The following DNAH7 variants were observed in gnomAD, a reference collection of about 807,000 sequenced individuals.
DNAH7 encodes the protein axonemal beta dynein heavy chain 7.
DNAH7 carries 397 observed loss-of-function variants against 444.6 expected under a neutral mutation model. The ratio of observed to expected loss-of-function variants is 0.89; its 90% CI spans 0.82 to 0.97. DNAH7 has a LOEUF of 0.97. Among genes scored for constraint, DNAH7 ranks in the 50% least tolerant of loss-of-function variants. DNAH7 has a pLI of 0.00. For missense variants in DNAH7, 4,902 were observed against 4,800.8 expected, an observed-to-expected ratio of 1.02 and a Z score of -0.62; for synonymous variants, 1,636 against 1,624.4, an observed-to-expected ratio of 1.01 and a Z score of -0.17.
rs1695647288 is a variant in DNAH7 at position 195,786,814 on chromosome 2, C to T, written c.10878+196G>A. Reference sequence around the variant, plus strand: ...ATATCATGGGTTTCTAATAGACAAACTGATGTCCTAACTACCTAGTATAGC... The same window carrying T: ...ATATCATGGGTTTCTAATAGACAAATTGATGTCCTAACTACCTAGTATAGC... On this transcript the variant is annotated intron_variant, in intron 58 of 64. Transcript: ENST00000312428. 2.0e-5 allele frequency among the ~76,000 whole-genome samples: 3 copies of T among 152,128 alleles called. No homozygotes were observed. In the South Asian group the frequency reaches 6.2e-4, roughly 32 times the overall value.
At chr2:196,019,952 TCCC>T (rs1695270932) in intron 8 of DNAH7, among the ~76,000 whole-genome samples, 1 of 114,254 alleles carries the variant, frequency 8.8e-6, no homozygotes, top group African/African-American at 3.4e-5. Flanking sequence ...CCCCTCCTCC[TCCC>T]CCTTCTTCTT....
At chr2:196,005,240 T>C (rs1694294670) in intron 10 of DNAH7, among the ~76,000 whole-genome samples, 1 of 151,230 alleles carries the variant, frequency 6.6e-6, no homozygotes, top group African/African-American at 2.4e-5. Context: ...CACCACTGCA[T>C]TCCAGCCTGG....
chr2:195,926,416 A>G lies in DNAH7; in HGVS notation c.3612+10T>C. 1 of 1,504,170 alleles carries G rather than the reference A, an allele frequency of 6.6e-7. No homozygotes were observed. The highest frequency in any genetic ancestry group is 8.8e-7 in the Non-Finnish European group (1 of 1,130,352). 93.2% of individuals were successfully genotyped at this position (1,504,170 alleles called of 1,614,324 possible). A position where few individuals can be genotyped will look rare whatever the true frequency, so the allele number is the denominator to read the frequency against. ...TGCTTAAAAAAACCCGAGGGTTAAT[A>G]AAACCTTACCTTTATCCCCATTGGA... On this transcript the variant is annotated intron_variant, in intron 22 of 64. Transcript: ENST00000312428.
intron 19 of DNAH7, among the ~76,000 whole-genome samples, 190 bp from the exon 20 acceptor site, chr2:195,936,982 C>A (rs1689097551): frequency 6.6e-6 from 1 of 152,004 alleles, no homozygotes; most frequent in Admixed American, 6.6e-5. Context: ...CTGTAAAAGT[C>A]ACATTGATTT....
Position 195,957,320 on chromosome 2 carries a change from C to G in DNAH7, c.3019G>C (p.Gly1007Arg). ...TTATCCACAGCTGTAAATCGTCTGC[C>G]TTCCTCAGGCATTTGAGACATAATG... is the stretch of plus-strand genomic sequence containing the variant. ...PDIMSQMPEE[G>R]RRFTAVDKTW... The change falls in exon 19 of 65, where the codon GGC becomes CGC. Residue 1007 changes from glycine to arginine, a missense_variant. Transcript: ENST00000312428. The G allele has an allele frequency of 6.2e-7, 1 of 1,605,816 alleles. No homozygotes were observed. Among genetic ancestry groups the G allele is most frequent in the Non-Finnish European group, 8.5e-7 (1 of 1,174,338 alleles).
At chr2:195,934,499 G>C (rs1485064215) in intron 21 of DNAH7, 92 bp downstream of exon 21, 4 of 1,351,286 alleles carry the variant, frequency 3.0e-6, no homozygotes, top group Non-Finnish European at 4.1e-6. Flanking sequence ...CTCCATTTCT[G>C]TTTAAATAAC....
chr2:195,852,118 C>T (rs1005627661), intron 46 of DNAH7, among the ~76,000 whole-genome samples: 28 of 151,854 alleles, frequency 1.8e-4, no homozygotes, highest in African/African-American at 6.0e-4. Flanking sequence ...ATTAGCCAGG[C>T]GTGGTGGCGG....
intron 19 of DNAH7, among the ~76,000 whole-genome samples, chr2:195,937,217 T>C (rs548553684): frequency 1.4e-4 from 22 of 152,310 alleles, no homozygotes; most frequent in South Asian, 6.2e-4. Flanking sequence ...AATAATAACA[T>C]AACAGAATCC....
chr2:195,876,450 C>G, intron 37 of DNAH7, 94 bp downstream of exon 37: 4 of 1,280,778 alleles, frequency 3.1e-6, no homozygotes, highest in Admixed American at 2.4e-5. Flanking sequence ...AAAAACTATA[C>G]AAAAAGATGT....
chr2:195,966,830 G>C (rs1238447190), intron 17 of DNAH7, among the ~76,000 whole-genome samples: 1 of 152,004 alleles, frequency 6.6e-6, no homozygotes, highest in Non-Finnish European at 1.5e-5. Context: ...CAGTCTATGT[G>C]TGACTTTATA....
intron 15 of DNAH7, among the ~76,000 whole-genome samples, chr2:195,979,618 T>A (rs1437186055): frequency 6.6e-6 from 1 of 151,208 alleles, no homozygotes; most frequent in African/African-American, 2.4e-5. Context: ...ATAATAAACA[T>A]CAGAGCAGAA....
At chr2:196,064,597 A>G (rs978184119) in intron 1 of DNAH7, among the ~76,000 whole-genome samples, 28 of 152,152 alleles carry the variant, frequency 1.8e-4, no homozygotes, top group Non-Finnish European at 4.4e-5. Flanking sequence ...TATCATTCCT[A>G]TGCAAATTTT....
At chr2:195,979,365 T>C (rs1233399422) in intron 15 of DNAH7, among the ~76,000 whole-genome samples, 2 of 152,156 alleles carry the variant, frequency 1.3e-5, no homozygotes, top group East Asian at 3.8e-4. Flanking sequence ...AATATGCTCC[T>C]GAATGATCAG....
chr2:195,852,945 GAGAC>G (rs58010202), intron 46 of DNAH7, among the ~76,000 whole-genome samples: 1,493 of 147,544 alleles, frequency 0.01, 22 homozygotes, highest in African/African-American at 0.035. Flanking sequence ...GAGAGAGAGA[GAGAC>G]AGAGTTCTGA....
At chr2:196,065,894 C>T (rs1698403769) in intron 1 of DNAH7, among the ~76,000 whole-genome samples, 1 of 152,222 alleles carries the variant, frequency 6.6e-6, no homozygotes, top group Non-Finnish European at 1.5e-5. Flanking sequence ...AGGAAAACTA[C>T]ACTCTAAATT....
intron 22 of DNAH7, among the ~76,000 whole-genome samples, chr2:195,925,004 T>C (rs1300613149): frequency 3.3e-5 from 5 of 152,200 alleles, no homozygotes; most frequent in African/African-American, 4.8e-5. Context: ...TTACAGCCAT[T>C]GCTAAGTGGC....
At chr2:195,938,291 A>C (rs1689186789) in intron 19 of DNAH7, among the ~76,000 whole-genome samples, 1 of 151,826 alleles carries the variant, frequency 6.6e-6, no homozygotes, top group African/African-American at 2.4e-5. Context: ...AAAGGTGCAT[A>C]ATTTTTAAAA....
chr2:195,789,238 C>T (rs1226021795), intron 57 of DNAH7, among the ~76,000 whole-genome samples: 1 of 151,826 alleles, frequency 6.6e-6, no homozygotes, highest in Non-Finnish European at 1.5e-5. Flanking sequence ...AACTGACCAA[C>T]TCTGGAAGAA....
chr2:195,935,382 G>A (rs1023322547), intron 20 of DNAH7, among the ~76,000 whole-genome samples: 1 of 152,122 alleles, frequency 6.6e-6, no homozygotes, highest in South Asian at 2.1e-4. Context: ...AAGAAGCAAA[G>A]TATAAAAACT....
Sources: allele counts gnomAD v4.1 joint callset (sites outside exome capture counted in the v4.1 genomes callset), GRCh38; gene constraint gnomAD v4.1.1; transcripts MANE v1.5; gene names NCBI Gene and HGNC (gene_info 2026-07-23, HGNC 2026-07-21).